SPATA6L: variants seen among roughly 807,000 people sequenced by gnomAD.
SPATA6L encodes spermatogenesis associated 6-like protein.
Under a neutral mutation model 49.2 loss-of-function variants are expected in SPATA6L, and 68 were observed. The observed-to-expected ratio is 1.38, with a 90% CI of 1.14 to 1.69. SPATA6L has a LOEUF of 1.69. Ranked by LOEUF, SPATA6L falls within the 40% of genes most tolerant of loss-of-function variation. The pLI is 0.00. For missense variants in SPATA6L, 668 were observed against 464.3 expected (o/e 1.44, Z -4.03); for synonymous variants, 198 against 165.7 (o/e 1.19, Z -1.50).
intron 3 of SPATA6L, among the ~76,000 whole-genome samples, chr9:4,644,207 A>G (rs1469383132): frequency 7.2e-6 from 1 of 139,824 alleles, no homozygotes; most frequent in Non-Finnish European, 1.5e-5. Context: ...AAAAAAAAAA[A>G]AAAAAAAAAA....
chr9:4,606,211 G>C (rs62543888), intron 9 of SPATA6L, among the ~76,000 whole-genome samples: 1,721 of 149,468 alleles, frequency 0.012, 15 homozygotes, highest in Non-Finnish European at 0.019. Flanking sequence ...AGGCGGCAGC[G>C]AGGCTGGGGG....
chr9:4,648,152 A>G (rs1835863128), intron 3 of SPATA6L, among the ~76,000 whole-genome samples: 1 of 152,166 alleles, frequency 6.6e-6, no homozygotes, highest in African/African-American at 2.4e-5. Context: ...CATGTTAAAC[A>G]GACAACAAAA....
At chr9:4,633,488 G>A (rs10974682) in intron 4 of SPATA6L, 18,270 of 158,458 alleles carry the variant, frequency 0.12, 1,548 homozygotes, top group East Asian at 0.34. Context: ...GATGATATCT[G>A]CCAATATATT....
At chr9:4,628,474 C>T (rs766580715) in intron 5 of SPATA6L, 2 of 151,920 alleles carry the variant, frequency 1.3e-5, no homozygotes, top group Non-Finnish European at 2.9e-5. Flanking sequence ...GAGATGGAGT[C>T]TCACTCTTGT....
rs747675569 is a variant in SPATA6L at position 4,661,970 on chromosome 9, G to A, written c.106C>T (p.Gln36Ter). ...DVYLGVYLMN[Q>*]YLETNSFPSA... ...GGAAAGCTGTTGGTCTCCAGGTACTGATTCATGAGGTAGACCCCGAGGTAC... is the reference window on the plus strand; with the variant it reads ...GGAAAGCTGTTGGTCTCCAGGTACTAATTCATGAGGTAGACCCCGAGGTAC... The change falls in exon 2 of 12, where the codon CAG becomes TAG. Residue 36 changes from glutamine (Q) to a stop codon, truncating the protein, a stop_gained. Transcript: ENST00000682582. LOFTEE classifies it high-confidence loss of function. The A allele has an allele frequency of 4.3e-6, 7 of 1,613,974 alleles. No homozygotes were observed. Among genetic ancestry groups the A allele is most frequent in the Non-Finnish European group, 5.1e-6 (6 of 1,179,976 alleles).
At chr9:4,608,153 G>C (rs1586991586) in intron 9 of SPATA6L, among the ~76,000 whole-genome samples, 2 of 95,130 alleles carry the variant, frequency 2.1e-5, no homozygotes, top group South Asian at 4.4e-4. Context: ...AGCAAGTCCT[G>C]AGTGACCTAC....
chr9:4,618,073 C>T lies in SPATA6L; in HGVS notation c.845G>A (p.Ser282Asn), dbSNP rs1221305167. Residue 282 changes from serine (S) to asparagine (N), a missense_variant, in exon 9 of 12, where the codon AGT (serine) becomes AAT (asparagine). By Grantham distance (46) the Ser-to-Asn change is conservative. Coordinates refer to ENST00000682582, the MANE Select transcript of SPATA6L (RefSeq NM_001353486.2). The stretch of plus-strand genomic sequence containing the variant: ...TGAATCTAAACATGATGATGAGTCA[C>T]TCCTTAAAACAATCCGTTCATCTGG... ...KEPDERIVLR[S>N]DSSSCLDSSQ... 1 of 1,613,116 alleles carries T rather than the reference C, an allele frequency of 6.2e-7. No homozygotes were observed. The highest frequency in any genetic ancestry group is 8.5e-7 in the Non-Finnish European group (1 of 1,179,448).
chr9:4,641,882 C>T (rs1441753940), intron 3 of SPATA6L, among the ~76,000 whole-genome samples: 1 of 152,180 alleles, frequency 6.6e-6, no homozygotes, highest in Non-Finnish European at 1.5e-5. Context: ...AGGTGACCTC[C>T]CCAGCCTCCC....
At chr9:4,604,791 C>A (rs1472787245) in intron 10 of SPATA6L, among the ~76,000 whole-genome samples, 1 of 152,142 alleles carries the variant, frequency 6.6e-6, no homozygotes, top group Non-Finnish European at 1.5e-5. Flanking sequence ...TATTTGAATT[C>A]TTTGAGCAGG....
intron 5 of SPATA6L, chr9:4,626,613 C>A (rs780427762): frequency 1.6e-6 from 2 of 1,220,900 alleles, no homozygotes; most frequent in African/African-American, 3.2e-5. Flanking sequence ...CCCCTTTTAT[C>A]TTTCAGTCTT....
chr9:4,606,051 G>C (rs1824814547), intron 9 of SPATA6L, among the ~76,000 whole-genome samples: 2 of 150,838 alleles, frequency 1.3e-5, no homozygotes, highest in African/African-American at 5.0e-5. Context: ...AGGGGTGACA[G>C]ATGGCACCTG....
chr9:4,644,833 T>TA (rs1834987382), intron 3 of SPATA6L, among the ~76,000 whole-genome samples: 1 of 152,112 alleles, frequency 6.6e-6, no homozygotes, highest in Admixed American at 6.5e-5. Flanking sequence ...GCTCAGGTCT[T>TA]ATGTCACTCA....
chr9:4,600,493 C>CAGAGAGAGAGAGAGAGAGAGAGGG lies in SPATA6L; in HGVS notation c.*317_*318insCCCTCTCTCTCTCTCTCTCTCTCT, dbSNP rs912130041. 2 of 133,686 alleles carry CAGAGAGAGAGAGAGAGAGAGAGGG rather than the reference C, an allele frequency of 1.5e-5. No individual in the cohort carries two copies. The highest frequency in any genetic ancestry group is 3.3e-5 in the Non-Finnish European group (2 of 60,426). 8.3% of individuals were successfully genotyped at this position (133,686 alleles called of 1,614,324 possible). A position where few individuals can be genotyped will look rare whatever the true frequency, so the allele number is the denominator to read the frequency against. ...AGAGACAGAGAGAGCCAGAGAGAGC[C>CAGAGAGAGAGAGAGAGAGAGAGGG]AGAGAGAGAGAGAGGGGAAGTGTTC... On this transcript the variant is annotated 3_prime_UTR_variant, in exon 12 of 12. Transcript: ENST00000682582.
At chr9:4,629,045 A>T (rs1179257039) in intron 5 of SPATA6L, 46 bp downstream of exon 5, 3 of 1,423,602 alleles carry the variant, frequency 2.1e-6, no homozygotes, top group Admixed American at 4.1e-5. Flanking sequence ...AAATTTGAAA[A>T]AAAAAAATCC....
chr9:4,646,550 T>A (rs2061201028), intron 3 of SPATA6L: 1 of 1,460,788 alleles, frequency 6.8e-7, no homozygotes. Context: ...AAAATGAGAT[T>A]TTAATACTTC....
intron 2 of SPATA6L, among the ~76,000 whole-genome samples, chr9:4,660,374 C>T (rs560661501): frequency 1.3e-5 from 2 of 152,180 alleles, no homozygotes; most frequent in Non-Finnish European, 2.9e-5. Flanking sequence ...GGGTGAAGGA[C>T]ATGAACAGAC....
Position 4,606,674 on chromosome 9 carries a change from T to TA in SPATA6L, c.996-1235dup, listed in dbSNP as rs1359300955. On this transcript the variant is annotated intron_variant, in intron 9 of 11. Coordinates refer to ENST00000682582, the MANE Select transcript of SPATA6L (RefSeq NM_001353486.2). ...ACCATCATCAAAGACCAAAAGTAGA[T>TA]AAAACCACAAAGATGGGGAAAAAAC... Among the ~76,000 whole-genome samples, 122 of 116,688 alleles carry TA rather than the reference T, an allele frequency of 1.0e-3. 1 individual carries two copies. The highest frequency in any genetic ancestry group is 4.0e-3 in the Middle Eastern group (1 of 252). The allele number at this position is 116,688 out of a possible 152,430, so 76.6% of individuals were successfully genotyped here.
chr9:4,614,168 A>C (rs1033398503), intron 9 of SPATA6L, among the ~76,000 whole-genome samples: 2 of 152,094 alleles, frequency 1.3e-5, no homozygotes, highest in African/African-American at 4.8e-5. Context: ...GTGGAGAGAG[A>C]GGATGTGCTG....
At chr9:4,615,194 T>G (rs1439781740) in intron 9 of SPATA6L, among the ~76,000 whole-genome samples, 3 of 152,226 alleles carry the variant, frequency 2.0e-5, no homozygotes, top group African/African-American at 7.2e-5. Context: ...CCCTTCTTCT[T>G]TATACTCCAG....
Sources: gnomAD v4.1 joint callset for allele counts (sites outside exome capture counted in the v4.1 genomes callset) on GRCh38, gnomAD v4.1.1 for gene constraint, MANE v1.5 for transcripts, NCBI Gene and HGNC (gene_info 2026-07-23, HGNC 2026-07-21) for gene names.